Variants in MXRA5 observed in about 807,000 individuals in gnomAD.
The protein encoded by MXRA5 is matrix remodeling associated 5, also known as matrix-remodeling-associated protein 5.
A neutral mutation model predicts 112.5 loss-of-function variants in MXRA5; 41 were observed. That is an observed-to-expected ratio of 0.36 (90% confidence interval 0.28 to 0.47). The LOEUF (loss-of-function observed/expected upper bound fraction) is 0.47, where lower values mean the gene tolerates loss of function less well. MXRA5 is among the 20% of genes least tolerant of loss of function. The pLI is 0.99. For synonymous variants in MXRA5, 862 were observed against 900.8 expected, an observed-to-expected ratio of 0.96 and a Z score of 0.77; for missense variants, 2,150 against 2,251.0, an observed-to-expected ratio of 0.96 and a Z score of 0.91.
Position 3,317,579 on chromosome X carries a change from G to A in MXRA5, c.6102C>T (p.Asp2034=), listed in dbSNP as rs756073207. ...KCVASNAAGA[D]SLAIRLHVAA... is the part of the protein sequence containing the mutation. ...CCACGTGCAGGCGGATGGCCAGGCT[G>A]TCCGCCCCGGCTGCATTGCTGGCCA... Residue 2034 remains aspartate (D), a synonymous_variant, in exon 6 of 7, where the codon GAC becomes GAT. Transcript: ENST00000217939. 5 of 1,210,534 alleles carry A rather than the reference G, an allele frequency of 4.1e-6. No individual in the cohort carries two copies. Among genetic ancestry groups the A allele is most frequent in the Non-Finnish European group, 5.6e-6 (5 of 895,200 alleles).
chrX:3,332,524 G>A (rs1921691023), intron 2 of MXRA5, among the ~76,000 whole-genome samples: 3 of 112,427 alleles, frequency 2.7e-5, no homozygotes, highest in South Asian at 7.4e-4. Context: ...GATTACAGGC[G>A]TGAGCCACCG....
At chrX:3,315,805 C>G (rs1171186131) in intron 6 of MXRA5, among the ~76,000 whole-genome samples, 3 of 109,839 alleles carry the variant, frequency 2.7e-5, no homozygotes, top group Non-Finnish European at 5.7e-5. Context: ...TTGACTCTAT[C>G]AATAATGTCA....
chrX:3,336,860 T>A (rs940047369), intron 2 of MXRA5, among the ~76,000 whole-genome samples: 2 of 111,676 alleles, frequency 1.8e-5, no homozygotes, highest in Non-Finnish European at 3.8e-5. Flanking sequence ...TATGAAACGA[T>A]GTCTGCTACA....
rs1038611462 is a variant in MXRA5 at position 3,323,401 on chromosome X, G to A, written c.2284C>T (p.Arg762Cys). 12 of 1,210,007 alleles carry A rather than the reference G, an allele frequency of 9.9e-6. No individual in the cohort carries two copies. In the African/African-American group the frequency reaches 1.1e-4, roughly 11 times the overall value. ...CTTCGTCTAGATTCAAACACTCTGCGACCTTCTGCAACATTGGTCTCTGGT... is the reference window on the plus strand; with the variant it reads ...CTTCGTCTAGATTCAAACACTCTGCAACCTTCTGCAACATTGGTCTCTGGT... ...KEPETNVAEG[R>C]RVFESRRRIN... The change falls in exon 5 of 7, where the codon CGC becomes TGC. Residue 762 changes from arginine (R) to cysteine (C), a missense_variant. Around this residue, in one of 6 missense-constraint regions of MXRA5, gnomAD observed 1,485 missense variants for 1,471.6 expected, o/e 1.01. Transcript: ENST00000217939.
intron 6 of MXRA5, among the ~76,000 whole-genome samples, chrX:3,316,425 C>T (rs1280028960): frequency 2.9e-5 from 3 of 105,205 alleles, no homozygotes; most frequent in Non-Finnish European, 3.9e-5. Context: ...GAGGTCAGGG[C>T]GGGAAGATTG....
At chrX:3,340,048 T>C (rs1055817743) in intron 2 of MXRA5, among the ~76,000 whole-genome samples, 10 of 105,738 alleles carry the variant, frequency 9.5e-5, no homozygotes, top group Admixed American at 3.9e-4. Context: ...AGTCTTTTAA[T>C]AGAGGGAAAA....
Position 3,324,072 on chromosome X carries a change from C to A in MXRA5, c.1613G>T (p.Gly538Val). The A allele has an allele frequency of 1.7e-6, 2 of 1,206,067 alleles. No homozygotes were observed. The highest frequency in any genetic ancestry group is 2.2e-6 in the Non-Finnish European group (2 of 892,545). The change falls in exon 5 of 7, where the codon GGC (glycine) becomes GTC (valine). Residue 538 changes from glycine (G) to valine (V), a missense_variant. Physicochemically the swap from Gly to Val is moderately radical, Grantham distance 109. Around this residue, in one of 6 missense-constraint regions of MXRA5, gnomAD observed 386 missense variants for 411.0 expected, o/e 0.94. Transcript: ENST00000217939. ...PDSKFSILSS[G>V]WLRIKSMEPS... ...CTCCATGGACTTGATCCTCAGCCAG[C>A]CACTGCTGAGAATGGAGAACTTGCT...
At chrX:3,328,322 C>G (rs1451959691) in intron 4 of MXRA5, among the ~76,000 whole-genome samples, 1 of 112,153 alleles carries the variant, frequency 8.9e-6, no homozygotes, top group East Asian at 2.8e-4. Context: ...AGTTTAGAAG[C>G]TGCAAGGAAC....
rs144583814 is a variant in MXRA5 at position 3,317,175 on chromosome X, C to T, written c.6506G>A (p.Ser2169Asn). The change falls in exon 6 of 7, where the codon AGC becomes AAC. Residue 2169 changes from serine (S) to asparagine (N), a missense_variant. Ser to Asn is a conservative substitution (Grantham distance 46). Transcript: ENST00000217939. The part of the protein sequence containing the change: ...RYGGTLKLDC[S>N]ASGDPWPRIL... The stretch of plus-strand genomic sequence containing the variant: ...GCGCGGCCAGGGGTCCCCCGAGGCG[C>T]TGCAGTCCAGCTTGAGGGTTCCTCC... The T allele has an allele frequency of 1.9e-4, 230 of 1,207,460 alleles. No homozygotes were observed. Among genetic ancestry groups the T allele is most frequent in the Non-Finnish European group, 2.4e-4 (217 of 893,995 alleles).
Position 3,309,654 on chromosome X carries a change from G to A in MXRA5, c.*62C>T. 1 of 1,022,259 alleles carries A rather than the reference G, an allele frequency of 9.8e-7. No homozygotes were observed. Among genetic ancestry groups the A allele is most frequent in the Non-Finnish European group, 1.3e-6 (1 of 746,240 alleles). 84.2% of individuals were successfully genotyped at this position (1,022,259 alleles called of 1,213,427 possible). A position where few individuals can be genotyped will look rare whatever the true frequency, so the allele number is the denominator to read the frequency against. On this transcript the variant is annotated 3_prime_UTR_variant, in exon 7 of 7. Coordinates refer to ENST00000217939, the MANE Select transcript of MXRA5 (RefSeq NM_015419.4). ...TTTAAGAGCTCCTATTCCCCAACCTGGCTTCCCTTACAAACCCCGCTTTGT... is the reference window on the plus strand; with the variant it reads ...TTTAAGAGCTCCTATTCCCCAACCTAGCTTCCCTTACAAACCCCGCTTTGT...
At chrX:3,344,836 G>C (rs969813122) in intron 1 of MXRA5, among the ~76,000 whole-genome samples, 9 of 111,162 alleles carry the variant, frequency 8.1e-5, no homozygotes, top group African/African-American at 2.6e-4. Context: ...AACCCAGGCC[G>C]GACTCGGTGG....
At chrX:3,340,932 C>G (rs1278616625) in intron 2 of MXRA5, among the ~76,000 whole-genome samples, 1 of 85,112 alleles carries the variant, frequency 1.2e-5, no homozygotes, top group Admixed American at 1.5e-4. Flanking sequence ...ACACACAAAC[C>G]TGCTGTGCAA....
In MXRA5 at chrX:3,309,577, A is replaced by T. The variant is rs1920966189; in HGVS notation, c.*139T>A. On this transcript the variant is annotated 3_prime_UTR_variant, in exon 7 of 7. Coordinates refer to ENST00000217939, the MANE Select transcript of MXRA5 (RefSeq NM_015419.4). ...CTTTTCCCAACAATTGTAGATCAAG[A>T]TCAACCTCAACTTGAAACCCACCAG... The T allele has an allele frequency of 2.0e-6, 1 of 505,834 alleles. No homozygotes were observed. The highest frequency in any genetic ancestry group is 3.3e-6 in the Non-Finnish European group (1 of 306,653). The allele number at this position is 505,834 out of a possible 1,213,427, so 41.7% of individuals were successfully genotyped here.
chrX:3,310,502 C>T lies in MXRA5; in HGVS notation c.7701G>A (p.Ala2567=), dbSNP rs761736143. Residue 2567 remains alanine, a synonymous_variant, in exon 7 of 7, where the codon GCG becomes GCA. Transcript: ENST00000217939. Reference sequence around the variant, plus strand: ...ACACCAGGCTGGGTGTCGGGGTCCCCGCGGCAGAGCAGTTGAGGCTGATGG... The same window carrying T: ...ACACCAGGCTGGGTGTCGGGGTCCCTGCGGCAGAGCAGTTGAGGCTGATGG... ...GHTISLNCSA[A]GTPTPSLVWV... The T allele has an allele frequency of 5.8e-6, 7 of 1,202,127 alleles. No individual in the cohort carries two copies. Among genetic ancestry groups the T allele is most frequent in the South Asian group, 3.6e-5 (2 of 55,616 alleles).
intron 2 of MXRA5, among the ~76,000 whole-genome samples, chrX:3,338,955 TAGTTAGA>T (rs1403120751): frequency 1.3e-4 from 9 of 68,228 alleles, no homozygotes; most frequent in Non-Finnish European, 1.9e-4. Context: ...AATAGATAGA[TAGTTAGA>T]TAGATAGATA....
In MXRA5 at chrX:3,317,639, C is replaced by T; in HGVS notation, c.6042G>A (p.Glu2014=). 1 of 1,207,463 alleles carries T rather than the reference C, an allele frequency of 8.3e-7. No individual in the cohort carries two copies. The highest frequency in any genetic ancestry group is 1.1e-6 in the Non-Finnish European group (1 of 892,349). ...AGACGCCTCTGTCTGAGAAGGACGC[C>T]TCCTTGATGGAAAGGGTCCGGTTTT... ...LHENRTLSIK[E]ASFSDRGVYK... Residue 2014 remains glutamate, a synonymous_variant, in exon 6 of 7, where the codon GAG becomes GAA. Coordinates refer to ENST00000217939, the MANE Select transcript of MXRA5 (RefSeq NM_015419.4).
At chrX:3,335,063 T>C (rs1174000899) in intron 2 of MXRA5, among the ~76,000 whole-genome samples, 2 of 112,118 alleles carry the variant, frequency 1.8e-5, no homozygotes, top group Non-Finnish European at 3.8e-5. Context: ...TCCTCTATAA[T>C]GGGGACATTA....
chrX:3,317,658 C>T lies in MXRA5; in HGVS notation c.6023G>A (p.Arg2008Gln), dbSNP rs1486427837. 4.2e-6 allele frequency: 5 copies of T among 1,203,189 alleles called. No homozygotes were observed. The highest frequency in any genetic ancestry group is 2.2e-5 in the Admixed American group (1 of 45,636). ...VEGRITLHEN[R>Q]TLSIKEASFS... ...GGACGCCTCCTTGATGGAAAGGGTC[C>T]GGTTTTCGTGCAGGGTGATGCGGCC... Residue 2008 changes from arginine to glutamine, a missense_variant, in exon 6 of 7, where the codon CGG becomes CAG. Physicochemically the swap from Arg to Gln is conservative, Grantham distance 43. This residue lies in a region of MXRA5 where 1,485 missense variants were observed against 1,471.6 expected (regional missense o/e 1.01). Transcript: ENST00000217939.
chrX:3,321,039 G>T lies in MXRA5; in HGVS notation c.4646C>A (p.Thr1549Lys), dbSNP rs1921287531. The stretch of plus-strand genomic sequence containing the variant: ...TTCATTTGGCCCTGACATATGCTGT[G>T]TTCCTTCATTGTTCACTGGGGTTGC... ...TEATPVNNEG[T>K]QHMSGPNELS... Residue 1549 changes from threonine to lysine, a missense_variant, in exon 5 of 7, where the codon ACA (threonine) becomes AAA (lysine). By Grantham distance (78) the Thr-to-Lys change is moderately conservative (BLOSUM62 -1). Transcript: ENST00000217939. 1 of 1,210,397 alleles carries T rather than the reference G, an allele frequency of 8.3e-7. No homozygotes were observed. The highest frequency in any genetic ancestry group is 1.7e-5 in the African/African-American group (1 of 57,297).
Sources: gnomAD v4.1 joint callset for allele counts (sites outside exome capture counted in the v4.1 genomes callset) on GRCh38, gnomAD v4.1.1 for gene constraint, gnomAD v4.1.1 regional missense constraint, MANE v1.5 for transcripts, NCBI Gene and HGNC (gene_info 2026-07-23, HGNC 2026-07-21) for gene names.